DPF1: variants seen among roughly 807,000 people sequenced by gnomAD.
DPF1 encodes double PHD fingers 1, also known as zinc finger protein neuro-d4.
Under a neutral mutation model 58.7 loss-of-function variants are expected in DPF1, and 14 were observed. The observed-to-expected ratio is 0.24, with a 90% CI of 0.16 to 0.37. The LOEUF is 0.37. Among genes scored for constraint, DPF1 ranks in the 10% least tolerant of loss-of-function variants. DPF1 has a pLI of 1.00. For missense variants in DPF1, 345 were observed against 529.9 expected (o/e 0.65, Z 3.43); for synonymous variants, 216 against 216.0 (o/e 1.00, Z 0.00).
In DPF1 at chr19:38,222,719, G is replaced by A. The variant is rs753299469; in HGVS notation, c.30-11C>T. 1.1e-5 allele frequency: 18 copies of A among 1,574,996 alleles called. No homozygotes were observed. In the East Asian group the frequency reaches 3.3e-4, roughly 29 times the overall value. On this transcript the variant is annotated splice_polypyrimidine_tract_variant and intron_variant, in intron 1 of 11. Coordinates refer to ENST00000355526, the MANE Select transcript of DPF1 (RefSeq NM_001135155.3). This position sits in a 1 kb window ranked among gnomAD's most constrained non-coding sequence, Gnocchi z 4.9. Reference sequence around the variant, plus strand: ...AAGTCCTCGCCTAGGCTAGAGGGGCGGCGAACGGGCGGGCGGCTGTCAGCA... The same window carrying A: ...AAGTCCTCGCCTAGGCTAGAGGGGCAGCGAACGGGCGGGCGGCTGTCAGCA...
In DPF1 at chr19:38,212,137, C is replaced by A. The variant is rs2288906; in HGVS notation, c.1094-4G>T. The A allele has an allele frequency of 1.9e-6, 3 of 1,605,938 alleles. No homozygotes were observed. The highest frequency in any genetic ancestry group is 1.3e-5 in the African/African-American group (1 of 74,862). On this transcript the variant is annotated splice_region_variant and splice_polypyrimidine_tract_variant and intron_variant, in intron 11 of 11. Coordinates refer to ENST00000355526, the MANE Select transcript of DPF1 (RefSeq NM_001135155.3). ...CAGAGGTGACAGCTCCAGCTCCCTG[C>A]GGGGGCAGCCGAAGCTGAAGTCAGG...
At chr19:38,225,706 T>C (rs1600290788), upstream of DPF1, among the ~76,000 whole-genome samples, 1 of 151,692 alleles carries the variant, frequency 6.6e-6, no homozygotes, top group African/African-American at 2.4e-5. Context: ...CTGGGCAACA[T>C]AGCGAGACCT....
At position 38,220,777 on chromosome 19, in the gene DPF1, C is replaced by T. The variant is rs73028369; in HGVS notation, c.298+1580G>A. ...AGGGAGAATCACTCAGCTAGATACA[C>T]ACAAACACACACAGGAGACAGACAG... On this transcript the variant is annotated intron_variant, in intron 3 of 11. Coordinates refer to ENST00000355526, the MANE Select transcript of DPF1 (RefSeq NM_001135155.3). 2.5e-3 allele frequency among the ~76,000 whole-genome samples: 373 copies of T among 152,228 alleles called. 2 individuals are homozygous for T. The highest frequency in any genetic ancestry group is 4.0e-3 in the Non-Finnish European group (271 of 67,996).
Position 38,222,784 on chromosome 19 carries a change from C to T in DPF1, c.30-76G>A. 1 of 1,430,706 alleles carries T rather than the reference C, an allele frequency of 7.0e-7. No individual in the cohort carries two copies. The highest frequency in any genetic ancestry group is 9.2e-7 in the Non-Finnish European group (1 of 1,092,440). 88.6% of individuals were successfully genotyped at this position (1,430,706 alleles called of 1,614,324 possible). On this transcript the variant is annotated intron_variant, in intron 1 of 11. Transcript: ENST00000355526. The surrounding 1 kb of genome is among the most constrained non-coding windows in gnomAD (Gnocchi z 4.9). ...GGGTCGCCCAGCACCCCTTCCCCGG[C>T]TGCCGGGCCGCCCAGGCTCGGGAGG...
chr19:38,223,371 C>T (rs1967643714), intron 1 of DPF1: 1 of 152,694 alleles, frequency 6.5e-6, no homozygotes, highest in Non-Finnish European at 1.5e-5. Flanking sequence ...CAACACAAAC[C>T]ACACACACAA....
chr19:38,224,371 G>A (rs923375842), upstream of DPF1: 2 of 1,074,386 alleles, frequency 1.9e-6, no homozygotes, highest in Non-Finnish European at 2.4e-6. This position sits in a 1 kb window ranked among gnomAD's most constrained non-coding sequence, Gnocchi z 4.5. Flanking sequence ...GGAGGGGCCC[G>A]GGGCACGCAC....
Position 38,222,206 on chromosome 19 carries a change from A to C in DPF1, c.298+151T>G. On this transcript the variant is annotated intron_variant, in intron 3 of 11. Coordinates refer to ENST00000355526, the MANE Select transcript of DPF1 (RefSeq NM_001135155.3). This position sits in a 1 kb window ranked among gnomAD's most constrained non-coding sequence, Gnocchi z 4.9. ...CTCAGTGACTCAGAGAAACTGTGGA[A>C]TCTCTGGGAAACACCCGGGACGCAC... The C allele has an allele frequency of 1.6e-6, 1 of 635,986 alleles. No homozygotes were observed. The highest frequency in any genetic ancestry group is 2.6e-6 in the Non-Finnish European group (1 of 384,726). The allele number at this position is 635,986 out of a possible 1,614,324, so 39.4% of individuals were successfully genotyped here.
chr19:38,218,728 T>C (rs1175198422), intron 4 of DPF1, 66 bp from the exon 5 acceptor site: 1 of 1,579,582 alleles, frequency 6.3e-7, no homozygotes, highest in Non-Finnish European at 8.7e-7. Flanking sequence ...TGAGGGGCTC[T>C]GGGCAAAGGT....
chr19:38,226,747 G>A (rs1054509197), upstream of DPF1, among the ~76,000 whole-genome samples: 3 of 151,844 alleles, frequency 2.0e-5, no homozygotes, highest in Non-Finnish European at 4.4e-5. Context: ...TACCCACGGT[G>A]AGCTGTGACC....
At chr19:38,220,966 T>TA (rs1374774707) in intron 3 of DPF1, among the ~76,000 whole-genome samples, 1 of 152,130 alleles carries the variant, frequency 6.6e-6, no homozygotes, top group Admixed American at 6.6e-5. Context: ...ATACACCTGA[T>TA]ACGCCAGACA....
intron 3 of DPF1, 120 bp from the exon 4 acceptor site, chr19:38,219,178 T>A: frequency 2.1e-6 from 3 of 1,425,424 alleles, no homozygotes; most frequent in Non-Finnish European, 2.9e-6. Flanking sequence ...GGCAAGGATT[T>A]AACCACATGC....
At chr19:38,225,484 G>A (rs1967778071), upstream of DPF1, among the ~76,000 whole-genome samples, 1 of 151,834 alleles carries the variant, frequency 6.6e-6, no homozygotes, top group African/African-American at 2.4e-5. Context: ...TGGGAGGATA[G>A]CTTGAACCTG....
At chr19:38,216,459 C>T (rs941009335) in intron 7 of DPF1, 56 bp from the exon 8 acceptor site, 4 of 1,509,372 alleles carry the variant, frequency 2.7e-6, no homozygotes, top group South Asian at 1.4e-5. Flanking sequence ...CTCCACCCTG[C>T]CCCCAGCCTC....
chr19:38,216,156 C>T lies in DPF1; in HGVS notation c.882G>A (p.Ala294=), dbSNP rs144762419. 378 of 1,613,834 alleles carry T rather than the reference C, an allele frequency of 2.3e-4. 1 individual carries two copies. In the African/African-American group the frequency reaches 4.0e-3, roughly 17 times the overall value. The part of the protein sequence containing the change: ...TGCPEDLISC[A]DCGRSGHPSC... The stretch of plus-strand genomic sequence containing the variant: ...GAGCATCACCTGATCGCCCACAGTC[C>T]GCACAGGAGATGAGGTCCTCGGGAC... The change falls in exon 9 of 12, where the codon GCG becomes GCA. Residue 294 remains alanine (A), a synonymous_variant. Transcript: ENST00000355526.
chr19:38,215,951 T>C (rs1355593881), intron 9 of DPF1, among the ~76,000 whole-genome samples, 189 bp downstream of exon 9: 1 of 152,144 alleles, frequency 6.6e-6, no homozygotes, highest in East Asian at 1.9e-4. Flanking sequence ...CCCTAAAGCC[T>C]CACTGATCCG....
chr19:38,228,915 G>T (rs1028724287), upstream of DPF1, among the ~76,000 whole-genome samples: 1 of 151,934 alleles, frequency 6.6e-6, no homozygotes, highest in Non-Finnish European at 1.5e-5. Context: ...GGTCCCCAAA[G>T]GGATCAGAGA....
At chr19:38,227,085 CTT>C (rs558891218), upstream of DPF1, among the ~76,000 whole-genome samples, 2 of 123,352 alleles carry the variant, frequency 1.6e-5, no homozygotes, top group Non-Finnish European at 1.8e-5. Context: ...CTCTTTTTCT[CTT>C]TTTTTTTTTT....
intron 9 of DPF1, among the ~76,000 whole-genome samples, chr19:38,214,863 T>A (rs1216050156): frequency 1.6e-5 from 2 of 122,484 alleles, no homozygotes; most frequent in Admixed American, 1.0e-4. Context: ...TGAGACGGAG[T>A]CTTGCTCTGA....
intron 10 of DPF1, among the ~76,000 whole-genome samples, chr19:38,212,720 T>C (rs986857756): frequency 2.0e-5 from 3 of 151,056 alleles, no homozygotes; most frequent in African/African-American, 7.3e-5. Flanking sequence ...CTCAAGTGAT[T>C]CTCCTGCCTC....
Sources: allele counts gnomAD v4.1 joint callset (sites outside exome capture counted in the v4.1 genomes callset), GRCh38; gene constraint gnomAD v4.1.1; non-coding constraint Gnocchi (gnomAD v3.1); transcripts MANE v1.5; gene names NCBI Gene and HGNC (gene_info 2026-07-23, HGNC 2026-07-21).